Variants in ASB4 observed in about 807,000 individuals in gnomAD.
The protein encoded by ASB4 is ankyrin repeat and SOCS box protein 4.
In ASB4, 35 loss-of-function variants were observed where a neutral mutation model predicts 38.6. The observed-to-expected ratio is 0.91, with a 90% CI of 0.69 to 1.20. The LOEUF is 1.20. ASB4 is among the 50% of genes most tolerant of loss of function. The pLI, the probability that ASB4 is intolerant of heterozygous loss-of-function variation, is 0.00. For synonymous variants in ASB4, 195 were observed against 201.3 expected, an observed-to-expected ratio of 0.97 and a Z score of 0.26; for missense variants, 557 against 527.2, an observed-to-expected ratio of 1.06 and a Z score of -0.55.
intron 2 of ASB4, among the ~76,000 whole-genome samples, chr7:95,527,235 G>A (rs1790750903): frequency 6.6e-6 from 1 of 152,094 alleles, no homozygotes; most frequent in Admixed American, 6.5e-5. Context: ...TGGTGGTGGT[G>A]CTGCGTTCCA....
At chr7:95,471,525 CA>C in the ASB4 span, among the ~76,000 whole-genome samples, 17 of 152,118 alleles carry the variant, frequency 1.1e-4, no homozygotes, top group African/African-American at 4.1e-4. Flanking sequence ...CACCTATTAG[CA>C]ATTATATTTG....
chr7:95,490,750 G>A (rs1192506228), intron 1 of ASB4, among the ~76,000 whole-genome samples: 1 of 152,230 alleles, frequency 6.6e-6, no homozygotes, highest in African/African-American at 2.4e-5. Flanking sequence ...TATATTTCTA[G>A]GCAGCTTTCT....
chr7:95,549,443 C>T, the ASB4 span, among the ~76,000 whole-genome samples: 1 of 151,820 alleles, frequency 6.6e-6, no homozygotes, highest in African/African-American at 2.4e-5. Context: ...ACTACAGGTG[C>T]CCGCCATCAC....
At chr7:95,548,581 A>T in the ASB4 span, among the ~76,000 whole-genome samples, 2 of 152,236 alleles carry the variant, frequency 1.3e-5, no homozygotes, top group Admixed American at 6.5e-5. Context: ...AACACCCCAC[A>T]GTTGGTAGCT....
the ASB4 span, among the ~76,000 whole-genome samples, chr7:95,546,664 G>C: frequency 6.6e-6 from 1 of 152,168 alleles, no homozygotes; most frequent in South Asian, 2.1e-4. Flanking sequence ...CAATTGCTTA[G>C]AGTTGATAGG....
chr7:95,549,933 T>C, the ASB4 span, among the ~76,000 whole-genome samples: 1 of 152,170 alleles, frequency 6.6e-6, no homozygotes, highest in African/African-American at 2.4e-5. Flanking sequence ...CAAGGAGCAC[T>C]GGTGTTAATC....
chr7:95,495,926 A>G lies in ASB4; in HGVS notation c.356A>G (p.Asn119Ser), dbSNP rs757962480. The part of the protein sequence containing the change: ...TPLHVACEMA[N>S]VDCVKILCDR... ...CTTCACGTGGCTTGTGAAATGGCCA[A>G]TGTGGATTGTGTTAAGATCCTCTGT... is the stretch of plus-strand genomic sequence containing the variant. Residue 119 changes from asparagine to serine, a missense_variant, in exon 2 of 5, where the codon AAT (asparagine) becomes AGT (serine). Asn to Ser is a conservative substitution (Grantham distance 46). Coordinates refer to ENST00000325885, the MANE Select transcript of ASB4 (RefSeq NM_016116.3). The G allele has an allele frequency of 2.2e-5, 35 of 1,614,022 alleles. No individual in the cohort carries two copies. Among genetic ancestry groups the G allele is most frequent in the Non-Finnish European group, 2.3e-5 (27 of 1,180,032 alleles).
the ASB4 span, among the ~76,000 whole-genome samples, chr7:95,547,534 G>T: frequency 1.3e-5 from 2 of 152,120 alleles, no homozygotes; most frequent in African/African-American, 4.8e-5. Context: ...AAATATTTAT[G>T]CATTCTCCTA....
At chr7:95,534,503 A>T (rs1334027886) in intron 3 of ASB4, among the ~76,000 whole-genome samples, 1 of 151,654 alleles carries the variant, frequency 6.6e-6, no homozygotes, top group Non-Finnish European at 1.5e-5. Flanking sequence ...TAAGCCCTAT[A>T]CTTGTTTCTT....
intron 1 of ASB4, among the ~76,000 whole-genome samples, chr7:95,493,007 C>G (rs1652536389): frequency 6.6e-6 from 1 of 152,068 alleles, no homozygotes; most frequent in Non-Finnish European, 1.5e-5. Context: ...GTGTGCATAT[C>G]AATTTGCACA....
At chr7:95,475,261 G>A (rs369829532), upstream of ASB4, among the ~76,000 whole-genome samples, 26 of 152,276 alleles carry the variant, frequency 1.7e-4, no homozygotes, top group African/African-American at 5.5e-4. Context: ...CTACACTATA[G>A]CCAATGACCA....
intron 2 of ASB4, among the ~76,000 whole-genome samples, chr7:95,502,790 C>T (rs1790359749): frequency 6.6e-6 from 1 of 152,066 alleles, no homozygotes; most frequent in African/African-American, 2.4e-5. Context: ...TTAAAATGTA[C>T]CACAATTGAA....
chr7:95,520,964 T>C (rs1157387554), intron 2 of ASB4, among the ~76,000 whole-genome samples: 1 of 152,160 alleles, frequency 6.6e-6, no homozygotes, highest in Non-Finnish European at 1.5e-5. Context: ...TTCTTTTTAC[T>C]TCACTTTTCC....
intron 2 of ASB4, 65 bp from the exon 3 acceptor site, chr7:95,527,748 A>G: frequency 6.9e-7 from 1 of 1,439,080 alleles, no homozygotes; most frequent in Non-Finnish European, 9.4e-7. Context: ...AGTCTTGTTT[A>G]ATGAACCTTA....
At chr7:95,545,143 T>C (rs1195529961), downstream of ASB4, among the ~76,000 whole-genome samples, 2 of 152,200 alleles carry the variant, frequency 1.3e-5, no homozygotes, top group Non-Finnish European at 2.9e-5. Context: ...AAGGGTTCAT[T>C]GCTCCTGGCA....
At chr7:95,548,093 T>C in the ASB4 span, among the ~76,000 whole-genome samples, 1 of 152,232 alleles carries the variant, frequency 6.6e-6, no homozygotes, top group Non-Finnish European at 1.5e-5. Flanking sequence ...GGCAAATATC[T>C]AGAAGTGAAA....
intron 3 of ASB4, among the ~76,000 whole-genome samples, chr7:95,530,931 G>A (rs1790811966): frequency 6.6e-6 from 1 of 152,068 alleles, no homozygotes; most frequent in Non-Finnish European, 1.5e-5. Context: ...ATGGACTTTG[G>A]GGTCAAACTT....
downstream of ASB4, chr7:95,542,941 G>A (rs1790989791): frequency 2.0e-5 from 3 of 152,144 alleles, no homozygotes; most frequent in South Asian, 4.1e-4. Flanking sequence ...TGCTCACTAA[G>A]CAGAGAAAAA....
downstream of ASB4, chr7:95,542,260 T>TA (rs1790980422): frequency 3.3e-5 from 5 of 152,260 alleles, no homozygotes; most frequent in South Asian, 6.2e-4. Flanking sequence ...CACAGTTTTT[T>TA]AAAAAAATTA....
Sources: allele counts gnomAD v4.1 joint callset (sites outside exome capture counted in the v4.1 genomes callset), GRCh38; gene constraint gnomAD v4.1.1; transcripts MANE v1.5; gene names NCBI Gene and HGNC (gene_info 2026-07-23, HGNC 2026-07-21).